Variants in BOLL observed in about 807,000 individuals in gnomAD.
The protein encoded by BOLL is protein boule-like.
In BOLL, 23 loss-of-function variants were observed where a neutral mutation model predicts 44.4. That is an observed-to-expected ratio of 0.52 (90% CI 0.37 to 0.73). The LOEUF (loss-of-function observed/expected upper bound fraction) is 0.73. Ranked by LOEUF, BOLL falls within the 30% of genes least tolerant of loss-of-function variation. The pLI is 0.00. For missense variants in BOLL, 287 were observed against 338.3 expected (o/e 0.85, Z 1.19); for synonymous variants, 97 against 110.8 (o/e 0.88, Z 0.78).
At chr2:197,739,794 C>A (rs1687654197) in intron 10 of BOLL, among the ~76,000 whole-genome samples, 2 of 152,092 alleles carry the variant, frequency 1.3e-5, no homozygotes, top group South Asian at 4.1e-4. Context: ...TTGGAAATTT[C>A]TCCTATCCAA....
chr2:197,739,951 C>T (rs1243045954), intron 10 of BOLL, among the ~76,000 whole-genome samples: 2 of 152,086 alleles, frequency 1.3e-5, no homozygotes, highest in African/African-American at 4.8e-5. Flanking sequence ...CAACATCAGC[C>T]ATTTCTGCAA....
intron 4 of BOLL, among the ~76,000 whole-genome samples, chr2:197,776,349 T>C (rs773830206): frequency 1.3e-5 from 2 of 151,974 alleles, no homozygotes. Context: ...CTATTGGCCA[T>C]GGCTTCAATG....
rs1235719647 is a variant in BOLL, at chr2:197,743,145, A to G, written c.744T>C (p.His248=). The change falls in exon 10 of 11, where the codon CAT becomes CAC. Residue 248 remains histidine (H), a synonymous_variant. Transcript: ENST00000392296. ...CCTGGTGATATGTTGCTTGAACTCCATGATCAGAATAAGGCTATTACAAAA... is the reference window on the plus strand; with the variant it reads ...CCTGGTGATATGTTGCTTGAACTCCGTGATCAGAATAAGGCTATTACAAAA... ...ETSVPEPYSD[H]GVQATYHQVY... 6.2e-7 allele frequency: 1 copy of G among 1,601,172 alleles called. No individual in the cohort carries two copies. The highest frequency in any genetic ancestry group is 1.3e-5 in the African/African-American group (1 of 74,654).
At chr2:197,753,458 A>G (rs1330926018) in intron 9 of BOLL, among the ~76,000 whole-genome samples, 1 of 152,238 alleles carries the variant, frequency 6.6e-6, no homozygotes, top group Non-Finnish European at 1.5e-5. Flanking sequence ...AAACAATCCC[A>G]TCAAAAAATG....
chr2:197,749,257 T>A (rs1380974791), intron 9 of BOLL, among the ~76,000 whole-genome samples: 3 of 152,016 alleles, frequency 2.0e-5, no homozygotes, highest in African/African-American at 7.2e-5. Context: ...ATATCAAAGG[T>A]AGATAAATCC....
At chr2:197,783,153 G>T (rs565393509) in intron 1 of BOLL, among the ~76,000 whole-genome samples, 186 of 152,214 alleles carry the variant, frequency 1.2e-3, no homozygotes, top group African/African-American at 4.2e-3. Flanking sequence ...CTAAATGTGT[G>T]CTTCAAAAAA....
intron 10 of BOLL, among the ~76,000 whole-genome samples, chr2:197,733,640 C>G (rs1687322283): frequency 6.6e-6 from 1 of 152,070 alleles, no homozygotes; most frequent in Non-Finnish European, 1.5e-5. Context: ...CAGAACAGAG[C>G]CCTCAGAAAT....
intron 9 of BOLL, among the ~76,000 whole-genome samples, chr2:197,752,205 G>A (rs1357399271): frequency 1.3e-5 from 2 of 152,132 alleles, no homozygotes; most frequent in Non-Finnish European, 1.5e-5. Context: ...TACTGAATGG[G>A]CAAAAGCTGG....
chr2:197,777,242 C>T, intron 3 of BOLL, 129 bp from the exon 4 acceptor site: 1 of 461,010 alleles, frequency 2.2e-6, no homozygotes, highest in Non-Finnish European at 3.7e-6. Context: ...TTCTATGCTG[C>T]ACTAGCATGG....
At chr2:197,734,481 AT>A (rs1245355089) in intron 10 of BOLL, among the ~76,000 whole-genome samples, 1 of 152,220 alleles carries the variant, frequency 6.6e-6, no homozygotes, top group Admixed American at 6.5e-5. Flanking sequence ...CCAAAGGGTT[AT>A]AAATCATGCT....
chr2:197,739,997 G>A (rs537780036), intron 10 of BOLL, among the ~76,000 whole-genome samples: 1 of 152,242 alleles, frequency 6.6e-6, no homozygotes, highest in African/African-American at 2.4e-5. Context: ...GACAGAAGAA[G>A]TCTATTTTAG....
intron 10 of BOLL, among the ~76,000 whole-genome samples, chr2:197,740,953 T>G (rs1041036412): frequency 6.6e-6 from 1 of 152,172 alleles, no homozygotes; most frequent in African/African-American, 2.4e-5. Flanking sequence ...AGGATTGACT[T>G]GGCAATGAGG....
At position 197,757,827 on chromosome 2, in the gene BOLL, C is replaced by G. The variant is rs186822466; in HGVS notation, c.553-427G>C. Among the ~76,000 whole-genome samples, 13 of 152,034 alleles carry G rather than the reference C, an allele frequency of 8.6e-5. No homozygotes were observed. In the East Asian group the frequency reaches 2.3e-3, roughly 27 times the overall value. ...ACTCAATAATCAAAAGACAAGTAAC[C>G]CAACTTAAAAATTGGTAAATGATAT... On this transcript the variant is annotated intron_variant, in intron 7 of 10. Transcript: ENST00000392296.
At chr2:197,779,180 C>A in intron 2 of BOLL, 114 bp from the exon 3 acceptor site, 1 of 710,670 alleles carries the variant, frequency 1.4e-6, no homozygotes, top group Non-Finnish European at 2.3e-6. Flanking sequence ...TGAAAAATGC[C>A]TCTCATCATC....
chr2:197,784,159 T>C (rs1689930599), intron 1 of BOLL, among the ~76,000 whole-genome samples: 1 of 151,854 alleles, frequency 6.6e-6, no homozygotes, highest in Non-Finnish European at 1.5e-5. Flanking sequence ...TTTTCTAACA[T>C]ACGATATAGT....
intron 5 of BOLL, among the ~76,000 whole-genome samples, chr2:197,775,336 C>T (rs1368306852): frequency 6.6e-6 from 1 of 151,752 alleles, no homozygotes; most frequent in Non-Finnish European, 1.5e-5. Context: ...TAAAATTTTT[C>T]TCATTAGTAA....
intron 9 of BOLL, among the ~76,000 whole-genome samples, chr2:197,753,996 T>G (rs1396044374): frequency 6.6e-6 from 1 of 152,152 alleles, no homozygotes; most frequent in Non-Finnish European, 1.5e-5. Context: ...GGGACATGGA[T>G]GAAGCTGGAA....
intron 7 of BOLL, among the ~76,000 whole-genome samples, chr2:197,763,563 CAAAGA>C (rs1368773997): frequency 6.7e-6 from 1 of 149,766 alleles, no homozygotes; most frequent in Non-Finnish European, 1.5e-5. Context: ...CGTCTTCCAA[CAAAGA>C]AAAGTCCAGA....
chr2:197,743,384 A>G lies in BOLL; in HGVS notation c.730-225T>C, dbSNP rs77631688. Among the ~76,000 whole-genome samples, 898 of 152,386 alleles carry G rather than the reference A, an allele frequency of 5.9e-3. 13 individuals are homozygous for G. The highest frequency in any genetic ancestry group is 0.02 in the African/African-American group (840 of 41,596). ...GAAATAGACAGTAGTCAGAATGATC[A>G]TAAATCCTATAGACATGTATAGGGA... is the stretch of plus-strand genomic sequence containing the variant. On this transcript the variant is annotated intron_variant, in intron 9 of 10. Coordinates refer to ENST00000392296, the MANE Select transcript of BOLL (RefSeq NM_033030.6).
Sources: allele counts gnomAD v4.1 joint callset (sites outside exome capture counted in the v4.1 genomes callset), GRCh38; gene constraint gnomAD v4.1.1; transcripts MANE v1.5; gene names NCBI Gene and HGNC (gene_info 2026-07-23, HGNC 2026-07-21).